Variants in CDH3 observed in about 807,000 individuals in gnomAD.
The protein encoded by CDH3 is cadherin-3.
A neutral mutation model predicts 82.0 loss-of-function variants in CDH3; 54 were observed. The observed-to-expected ratio is 0.66, with a 90% CI of 0.53 to 0.83. The LOEUF (loss-of-function observed/expected upper bound fraction) is 0.83, where lower values mean the gene tolerates loss of function less well. Among genes scored for constraint, CDH3 ranks in the 40% least tolerant of loss-of-function variants. The pLI, the probability that CDH3 is intolerant of heterozygous loss-of-function variation, is 0.00. For missense variants in CDH3, 1,054 were observed against 1,084.6 expected (o/e 0.97, Z 0.40); for synonymous variants, 446 against 437.9 (o/e 1.02, Z -0.23).
intron 2 of CDH3, among the ~76,000 whole-genome samples, chr16:68,725,858 A>G (rs1962213826): frequency 6.6e-6 from 1 of 151,600 alleles, no homozygotes; most frequent in African/African-American, 2.4e-5. Context: ...GCTGGAGACC[A>G]GCCAGGGAAA....
intron 2 of CDH3, among the ~76,000 whole-genome samples, chr16:68,647,673 T>C (rs945765865): frequency 2.6e-5 from 4 of 152,106 alleles, no homozygotes; most frequent in Non-Finnish European, 4.4e-5. Flanking sequence ...TAAGTAAAAG[T>C]GCATTTCTTG....
intron 4 of CDH3, 105 bp from the exon 5 acceptor site, chr16:68,678,396 A>G: frequency 6.3e-7 from 1 of 1,579,280 alleles, no homozygotes. Context: ...TCTCCTGTTC[A>G]GTGAGCAGAT....
downstream of CDH3, chr16:68,700,390 T>C (rs1394789977): frequency 6.6e-6 from 1 of 152,280 alleles, no homozygotes; most frequent in Non-Finnish European, 1.5e-5. Flanking sequence ...GGCAGGGCCC[T>C]GCTGTGGGTT....
chr16:68,651,786 C>G (rs754750906), intron 2 of CDH3: 10 of 488,952 alleles, frequency 2.0e-5, no homozygotes, highest in Non-Finnish European at 3.3e-5. Flanking sequence ...TAAGATAATT[C>G]TGTCCTTCAG....
intron 2 of CDH3, among the ~76,000 whole-genome samples, chr16:68,726,992 G>A (rs776150224): frequency 2.6e-5 from 4 of 152,202 alleles, no homozygotes; most frequent in Non-Finnish European, 5.9e-5. Flanking sequence ...CTGGGAGGAC[G>A]TTTCCTGAAG....
rs137920885 is a variant in CDH3, at chr16:68,694,577, G to A, written c.2003-678G>A. On this transcript the variant is annotated intron_variant, in intron 13 of 15. Coordinates refer to ENST00000264012, the MANE Select transcript of CDH3 (RefSeq NM_001793.6). ...GCGGAGGTTGCAGTGAGCCGAGATT[G>A]CACCAGTGCACTCTAGCCTGGGCGA... 8.0e-3 allele frequency among the ~76,000 whole-genome samples: 1,196 copies of A among 149,272 alleles called. 15 individuals carry two copies. Among genetic ancestry groups the A allele is most frequent in the African/African-American group, 0.027 (1,099 of 40,428 alleles).
At position 68,707,299 on chromosome 16, in the gene CDH3, G is replaced by A. The variant is rs935683838; in HGVS notation, c.99+11376G>A. 6.6e-6 allele frequency among the ~76,000 whole-genome samples: 1 copy of A among 152,178 alleles called. No homozygotes were observed. Among genetic ancestry groups the A allele is most frequent in the African/African-American group, 2.4e-5 (1 of 41,456 alleles). On this transcript the variant is annotated intron_variant, in intron 1 of 2. Coordinates refer to the CDH3 transcript ENST00000569080. This position sits in a 1 kb window ranked among gnomAD's most constrained non-coding sequence, Gnocchi z 4.5. ...CAGGTAAGGAGCGGGGGGCCAAGGC[G>A]CCCAGTCCTGGGTGTCCTCCTTCAC...
downstream of CDH3, among the ~76,000 whole-genome samples, chr16:68,702,749 C>G (rs1238436693): frequency 6.6e-6 from 1 of 152,034 alleles, no homozygotes; most frequent in Non-Finnish European, 1.5e-5. Context: ...CCTGTTATCC[C>G]AGCTACTCGG....
intron 6 of CDH3, 72 bp downstream of exon 6, chr16:68,678,978 C>A (rs1961124919): frequency 1.2e-5 from 18 of 1,487,590 alleles, no homozygotes; most frequent in Non-Finnish European, 1.7e-5. Flanking sequence ...TCCCACCATA[C>A]CTGATTTCCT....
At chr16:68,684,876 T>G (rs1203333454) in intron 10 of CDH3, 52 bp downstream of exon 10, 3 of 1,608,584 alleles carry the variant, frequency 1.9e-6, no homozygotes, top group Non-Finnish European at 2.6e-6. Flanking sequence ...AGTTGGTGGG[T>G]GGGTGATCAT....
At chr16:68,685,092 G>C in intron 10 of CDH3, 113 bp from the exon 11 acceptor site, 1 of 1,315,814 alleles carries the variant, frequency 7.6e-7, no homozygotes, top group Non-Finnish European at 1.1e-6. Flanking sequence ...TTTTCCATAT[G>C]ATCCTGCTTA....
Position 68,698,494 on chromosome 16 carries a change from G to C in CDH3, c.*94G>C. 8.6e-7 allele frequency: 1 copy of C among 1,160,246 alleles called. No individual in the cohort carries two copies. The highest frequency in any genetic ancestry group is 1.5e-5 in the African/African-American group (1 of 65,946). The allele number at this position is 1,160,246 out of a possible 1,614,324, so 71.9% of individuals were successfully genotyped here. A position where few individuals can be genotyped will look rare whatever the true frequency, so the allele number is the denominator to read the frequency against. ...CCTTCAGCTGAGGACTTCGGAGCTTGTCAGGAAGTGGCCGTAGCAACTTGG... is the reference window on the plus strand; with the variant it reads ...CCTTCAGCTGAGGACTTCGGAGCTTCTCAGGAAGTGGCCGTAGCAACTTGG... On this transcript the variant is annotated 3_prime_UTR_variant, in exon 16 of 16. Coordinates refer to ENST00000264012, the MANE Select transcript of CDH3 (RefSeq NM_001793.6).
chr16:68,653,750 C>T (rs1345939323), intron 2 of CDH3, among the ~76,000 whole-genome samples: 1 of 148,812 alleles, frequency 6.7e-6, no homozygotes, highest in Non-Finnish European at 1.5e-5. Context: ...AGTGCAGTGG[C>T]CTGATCTCGG....
intron 2 of CDH3, among the ~76,000 whole-genome samples, chr16:68,675,624 A>G (rs1961009588): frequency 6.6e-6 from 1 of 152,010 alleles, no homozygotes; most frequent in Admixed American, 6.6e-5. Flanking sequence ...GGGAAACCCA[A>G]TCTCTACTAA....
intron 1 of CDH3, among the ~76,000 whole-genome samples, chr16:68,710,108 A>G (rs1414679323): frequency 2.0e-5 from 3 of 152,130 alleles, no homozygotes; most frequent in Non-Finnish European, 2.9e-5. Context: ...CCCACAGGAG[A>G]TGGGGCGGGA....
At chr16:68,673,926 AG>A (rs911404312) in intron 2 of CDH3, among the ~76,000 whole-genome samples, 8 of 152,116 alleles carry the variant, frequency 5.3e-5, no homozygotes, top group South Asian at 2.1e-4. Flanking sequence ...AAAAAAAAAA[AG>A]ATTCATCTCT....
At chr16:68,660,944 G>C (rs527255390) in intron 2 of CDH3, among the ~76,000 whole-genome samples, 15 of 149,770 alleles carry the variant, frequency 1.0e-4, no homozygotes, top group Non-Finnish European at 7.4e-5. Flanking sequence ...TCCAGCCTGG[G>C]CAACAGAGCA....
intron 8 of CDH3, among the ~76,000 whole-genome samples, chr16:68,681,598 G>A (rs530705299): frequency 7.3e-4 from 111 of 152,346 alleles, no homozygotes; most frequent in African/African-American, 2.6e-3. Flanking sequence ...CACTTTGGGA[G>A]GCCAAGGCGG....
At chr16:68,686,607 G>A in intron 11 of CDH3, 11 of 1,191,860 alleles carry the variant, frequency 9.2e-6, no homozygotes, top group African/African-American at 7.3e-5. Context: ...CCAGAATATG[G>A]AGGCACCAAA....
Sources: gnomAD v4.1 joint callset for allele counts (sites outside exome capture counted in the v4.1 genomes callset) on GRCh38, gnomAD v4.1.1 for gene constraint, Gnocchi (gnomAD v3.1) non-coding constraint, MANE v1.5 for transcripts, NCBI Gene and HGNC (gene_info 2026-07-23, HGNC 2026-07-21) for gene names.